Variants in TNPO3 observed in about 807,000 individuals in gnomAD.
The protein encoded by TNPO3 is transportin 3.
A neutral mutation model predicts 122.8 loss-of-function variants in TNPO3; 65 were observed. That is an observed-to-expected ratio of 0.53 (90% CI 0.43 to 0.65). The LOEUF is 0.65. Among genes scored for constraint, TNPO3 ranks in the 30% least tolerant of loss-of-function variants. The probability of loss-of-function intolerance (pLI) is 0.00; values close to 1 mark genes in which losing one functional copy is unlikely to be tolerated. For missense variants in TNPO3, 850 were observed against 1,136.7 expected, an observed-to-expected ratio of 0.75 and a Z score of 3.63; for synonymous variants, 372 against 411.2, an observed-to-expected ratio of 0.90 and a Z score of 1.15.
chr7:128,958,102 G>A (rs936138347), intron 21 of TNPO3, among the ~76,000 whole-genome samples: 1 of 147,610 alleles, frequency 6.8e-6, no homozygotes, highest in Non-Finnish European at 1.5e-5. Context: ...ATAAGGCTAA[G>A]CTAAAAGCTA....
Position 128,986,724 on chromosome 7 carries a change from A to G in TNPO3, c.1690+5T>C. On this transcript the variant is annotated splice_donor_5th_base_variant and intron_variant, in intron 12 of 22. Coordinates refer to ENST00000265388, the MANE Select transcript of TNPO3 (RefSeq NM_012470.4). ...GACTATTAGTGGTTAACATCAAGTG[A>G]GTACCTTTTAGCAAGCCCACAGCAG... The G allele has an allele frequency of 6.2e-7, 1 of 1,609,672 alleles. No individual in the cohort carries two copies. Among genetic ancestry groups the G allele is most frequent in the Non-Finnish European group, 8.5e-7 (1 of 1,178,038 alleles).
chr7:128,986,699 G>A (rs755474148), intron 12 of TNPO3, 30 bp downstream of exon 12: 6 of 1,576,268 alleles, frequency 3.8e-6, no homozygotes, highest in African/African-American at 1.4e-5. Flanking sequence ...GCTTTGAGGT[G>A]ACTATTAGTG....
intron 1 of TNPO3, among the ~76,000 whole-genome samples, chr7:129,050,574 T>C (rs1046251361): frequency 6.6e-6 from 1 of 152,190 alleles, no homozygotes; most frequent in Non-Finnish European, 1.5e-5. Context: ...CAAGGTTTAC[T>C]GTGGAAAGAT....
chr7:129,007,845 A>T (rs1258784829), intron 4 of TNPO3, among the ~76,000 whole-genome samples: 1 of 152,220 alleles, frequency 6.6e-6, no homozygotes, highest in African/African-American at 2.4e-5. Context: ...ATATCCAAGT[A>T]TTTATAGAAG....
At chr7:129,033,868 A>C (rs1319635347) in intron 1 of TNPO3, among the ~76,000 whole-genome samples, 1 of 150,982 alleles carries the variant, frequency 6.6e-6, no homozygotes, top group Non-Finnish European at 1.5e-5. Flanking sequence ...AACCAAGATC[A>C]TGCCACTGCA....
intron 21 of TNPO3, among the ~76,000 whole-genome samples, chr7:128,957,754 G>A (rs950173879): frequency 6.6e-5 from 10 of 152,146 alleles, no homozygotes; most frequent in South Asian, 4.2e-4. Flanking sequence ...TGGTTGCTAC[G>A]GCTCTCATAA....
intron 1 of TNPO3, chr7:129,029,805 G>C (rs1377038857): frequency 6.6e-6 from 1 of 152,128 alleles, no homozygotes; most frequent in Admixed American, 6.6e-5. Context: ...GATAGTTCAT[G>C]AGGTCAGGAG....
intron 1 of TNPO3, among the ~76,000 whole-genome samples, chr7:129,023,990 T>C (rs1011448997): frequency 3.3e-5 from 5 of 152,188 alleles, no homozygotes; most frequent in Non-Finnish European, 7.4e-5. Context: ...ATGAGGTGGA[T>C]TGAAGATAGC....
intron 1 of TNPO3, among the ~76,000 whole-genome samples, chr7:129,038,267 A>G (rs1806939852): frequency 6.6e-6 from 1 of 152,230 alleles, no homozygotes; most frequent in African/African-American, 2.4e-5. Flanking sequence ...ATGAAACCAT[A>G]TTTCTAAAAT....
At chr7:128,975,965 G>GCTTCGTCCTT in intron 16 of TNPO3, 30 bp from the exon 17 acceptor site, 2 of 1,480,462 alleles carry the variant, frequency 1.4e-6, no homozygotes, top group Middle Eastern at 3.4e-4. Context: ...TTAGTTCAAT[G>GCTTCGTCCTT]CTTCGTCCTT....
At chr7:128,965,468 T>A (rs1303552639) in intron 21 of TNPO3, among the ~76,000 whole-genome samples, 1 of 152,108 alleles carries the variant, frequency 6.6e-6, no homozygotes, top group Non-Finnish European at 1.5e-5. Context: ...TGTGGAGAAA[T>A]TGGAACTTTG....
At chr7:129,010,015 GA>G (rs560132323) in intron 4 of TNPO3, among the ~76,000 whole-genome samples, 77 of 143,828 alleles carry the variant, frequency 5.4e-4, no homozygotes, top group African/African-American at 1.7e-3. Flanking sequence ...GACAAAGCCA[GA>G]AAAAAAAAAA....
intron 9 of TNPO3, 148 bp downstream of exon 9, chr7:128,993,659 G>A: frequency 1.6e-6 from 1 of 638,352 alleles, no homozygotes. Context: ...GCTACTATAT[G>A]CCAGGCAGTG....
intron 21 of TNPO3, among the ~76,000 whole-genome samples, chr7:128,957,740 C>T (rs1375597682): frequency 2.0e-5 from 3 of 152,196 alleles, no homozygotes; most frequent in African/African-American, 4.8e-5. Flanking sequence ...GCTACAACAA[C>T]ACTTGGTTGC....
intron 5 of TNPO3, among the ~76,000 whole-genome samples, chr7:129,001,549 G>A (rs183721473): frequency 4.6e-5 from 7 of 152,256 alleles, no homozygotes; most frequent in Admixed American, 3.9e-4. Context: ...TGGAAACTGT[G>A]CACAGAGGGG....
chr7:129,012,003 C>CTTTTT (rs1174882837), intron 4 of TNPO3, among the ~76,000 whole-genome samples: 189 of 131,674 alleles, frequency 1.4e-3, no homozygotes, highest in African/African-American at 2.0e-3. Flanking sequence ...CTTTTTCTTT[C>CTTTTT]TTTTTTTTTT....
intron 18 of TNPO3, among the ~76,000 whole-genome samples, chr7:128,973,465 G>T (rs1798691276): frequency 6.6e-6 from 1 of 151,846 alleles, no homozygotes; most frequent in African/African-American, 2.4e-5. Flanking sequence ...TGCCGGGCGT[G>T]GTGGCTCAGG....
In TNPO3 at chr7:129,054,888, T is replaced by G; in HGVS notation, c.-118A>C. On this transcript the variant is annotated 5_prime_UTR_variant, in exon 1 of 23. The change abolishes an upstream ATG in the 5' untranslated region. Coordinates refer to ENST00000265388, the MANE Select transcript of TNPO3 (RefSeq NM_012470.4). ...CACGGCCGCTCCCTGACTGGCGCCA[T>G]CTCCTCCTCTTTGGCCGTTACCAGG... 2 of 1,393,868 alleles carry G rather than the reference T, an allele frequency of 1.4e-6. No homozygotes were observed. The highest frequency in any genetic ancestry group is 2.0e-6 in the Non-Finnish European group (2 of 1,013,638). 86.3% of individuals were successfully genotyped at this position (1,393,868 alleles called of 1,614,324 possible).
At chr7:129,020,067 C>T (rs1172347035) in intron 1 of TNPO3, among the ~76,000 whole-genome samples, 2 of 152,156 alleles carry the variant, frequency 1.3e-5, no homozygotes, top group Non-Finnish European at 2.9e-5. Flanking sequence ...ACTTGGGATG[C>T]TGAGGCGAGA....
Sources: gnomAD v4.1 joint callset for allele counts (sites outside exome capture counted in the v4.1 genomes callset) on GRCh38, gnomAD v4.1.1 for gene constraint, MANE v1.5 for transcripts, NCBI Gene and HGNC (gene_info 2026-07-23, HGNC 2026-07-21) for gene names.